The following GNG4 variants were observed in gnomAD, a reference collection of about 807,000 sequenced individuals.
GNG4 encodes G protein subunit gamma 4, also known as guanine nucleotide-binding protein G(I)/G(S)/G(O) subunit gamma-4.
Under a neutral mutation model 5.8 loss-of-function variants are expected in GNG4, and 4 were observed. The observed-to-expected ratio is 0.69, with a 90% CI of 0.34 to 1.57. The LOEUF (loss-of-function observed/expected upper bound fraction) is 1.57, where lower values mean the gene tolerates loss of function less well. Among genes scored for constraint, GNG4 ranks in the 40% most tolerant of loss-of-function variants. The probability of loss-of-function intolerance (pLI) is 0.06; values close to 1 mark genes in which losing one functional copy is unlikely to be tolerated. For synonymous variants in GNG4, 29 were observed against 32.9 expected, an observed-to-expected ratio of 0.88 and a Z score of 0.41; for missense variants, 96 against 95.1, an observed-to-expected ratio of 1.01 and a Z score of -0.04.
At chr1:235,622,636 AT>A (rs1414579851) in intron 1 of GNG4, among the ~76,000 whole-genome samples, 1 of 151,800 alleles carries the variant, frequency 6.6e-6, no homozygotes, top group East Asian at 1.9e-4. Flanking sequence ...AGGCGGGTGG[AT>A]CACCTGAGGT....
chr1:235,591,103 C>T (rs559442430), intron 2 of GNG4, among the ~76,000 whole-genome samples: 5 of 152,250 alleles, frequency 3.3e-5, no homozygotes, highest in African/African-American at 7.2e-5. Flanking sequence ...CATGGAGGTC[C>T]GGTTCCAATC....
At chr1:235,585,414 AT>A (rs974153177) in intron 2 of GNG4, among the ~76,000 whole-genome samples, 3 of 151,918 alleles carry the variant, frequency 2.0e-5, no homozygotes, top group African/African-American at 7.2e-5. Context: ...TAATTAAAAA[AT>A]TTTTTTTTGC....
At chr1:235,586,188 TCAA>T (rs761442640) in intron 2 of GNG4, among the ~76,000 whole-genome samples, 6 of 152,340 alleles carry the variant, frequency 3.9e-5, no homozygotes, top group East Asian at 1.9e-4. Context: ...GAACTTTAAC[TCAA>T]CAACAAGGGA....
intron 1 of GNG4, among the ~76,000 whole-genome samples, chr1:235,627,989 C>T (rs771497360): frequency 1.3e-5 from 2 of 151,798 alleles, no homozygotes; most frequent in Non-Finnish European, 2.9e-5. Context: ...GATACCAGCC[C>T]GACGAACATG....
chr1:235,569,863 G>A (rs1220955708), intron 3 of GNG4, among the ~76,000 whole-genome samples: 3 of 152,094 alleles, frequency 2.0e-5, no homozygotes, highest in Non-Finnish European at 4.4e-5. Flanking sequence ...ACTGCGCCTG[G>A]CCTCTTCTGC....
At chr1:235,636,473 T>C (rs918811814) in intron 1 of GNG4, among the ~76,000 whole-genome samples, 4 of 152,112 alleles carry the variant, frequency 2.6e-5, no homozygotes, top group Non-Finnish European at 5.9e-5. Context: ...AGGCCTGCAT[T>C]CCCTCATCTT....
At chr1:235,593,382 TAG>T (rs1688029978) in intron 2 of GNG4, among the ~76,000 whole-genome samples, 1 of 152,200 alleles carries the variant, frequency 6.6e-6, no homozygotes, top group Non-Finnish European at 1.5e-5. Context: ...GCACAGTACT[TAG>T]AATTTCTGGA....
intron 1 of GNG4, among the ~76,000 whole-genome samples, chr1:235,608,694 T>A (rs550332583): frequency 0.023 from 3,567 of 151,826 alleles, 139 homozygotes; most frequent in African/African-American, 0.08. Flanking sequence ...TTTATTTTTT[T>A]TTTTTTTGAG....
intron 2 of GNG4, among the ~76,000 whole-genome samples, chr1:235,593,534 T>C (rs1688039568): frequency 6.6e-6 from 1 of 152,176 alleles, no homozygotes; most frequent in Admixed American, 6.5e-5. Context: ...CCGGAATTGG[T>C]GGGTTCTTGG....
At chr1:235,625,435 A>T (rs536963923) in intron 1 of GNG4, among the ~76,000 whole-genome samples, 2 of 152,148 alleles carry the variant, frequency 1.3e-5, no homozygotes, top group Non-Finnish European at 2.9e-5. Context: ...TGACACATCA[A>T]TATCACCTAA....
chr1:235,564,206 A>T (rs1265315147), intron 3 of GNG4, among the ~76,000 whole-genome samples: 1 of 152,138 alleles, frequency 6.6e-6, no homozygotes, highest in African/African-American at 2.4e-5. Flanking sequence ...TATAACTGGG[A>T]GCTAAATATT....
chr1:235,616,224 T>C (rs1358942474), intron 1 of GNG4: 5 of 517,290 alleles, frequency 9.7e-6, no homozygotes, highest in South Asian at 7.1e-5. Context: ...GTTGGAGGAA[T>C]GTTCTTGAAT....
chr1:235,599,558 C>T (rs955583426), intron 1 of GNG4, among the ~76,000 whole-genome samples: 5 of 152,092 alleles, frequency 3.3e-5, no homozygotes, highest in African/African-American at 4.8e-5. Context: ...TCAAGTGATC[C>T]GCCCACCTTG....
At chr1:235,611,933 A>G (rs10926247) in intron 1 of GNG4, among the ~76,000 whole-genome samples, 55,452 of 151,618 alleles carry the variant, frequency 0.37, 13,294 homozygotes, top group African/African-American at 0.68. Flanking sequence ...GTATGGTGGC[A>G]CATGCTTGTA....
intron 1 of GNG4, among the ~76,000 whole-genome samples, chr1:235,599,920 C>G (rs1041648178): frequency 6.6e-5 from 10 of 152,104 alleles, no homozygotes; most frequent in African/African-American, 9.7e-5. Context: ...CTGGCATTTG[C>G]ATAGCATCTT....
intron 2 of GNG4, among the ~76,000 whole-genome samples, chr1:235,585,638 A>G (rs1018317463): frequency 2.6e-5 from 4 of 152,238 alleles, no homozygotes; most frequent in African/African-American, 9.6e-5. Flanking sequence ...AGAACTACAT[A>G]CTACAGTACT....
chr1:235,633,728 A>G (rs756415834), intron 1 of GNG4, among the ~76,000 whole-genome samples: 18 of 152,112 alleles, frequency 1.2e-4, no homozygotes, highest in Non-Finnish European at 2.5e-4. Context: ...GCCTCTTGCA[A>G]TCCTCCCACC....
chr1:235,619,125 G>A (rs1264236683), intron 1 of GNG4, among the ~76,000 whole-genome samples: 2 of 91,816 alleles, frequency 2.2e-5, no homozygotes, highest in Admixed American at 1.6e-4. Flanking sequence ...CATTGCAAAC[G>A]CTGTCTCTAA....
intron 1 of GNG4, among the ~76,000 whole-genome samples, chr1:235,631,485 G>A (rs758829624): frequency 1.3e-5 from 2 of 152,248 alleles, no homozygotes; most frequent in Non-Finnish European, 2.9e-5. Flanking sequence ...GATGCTCTGA[G>A]CGGAGGCTCG....
Sources: allele counts gnomAD v4.1 joint callset (sites outside exome capture counted in the v4.1 genomes callset), GRCh38; gene constraint gnomAD v4.1.1; transcripts MANE v1.5; gene names NCBI Gene and HGNC (gene_info 2026-07-23, HGNC 2026-07-21).